The following CDYL variants were observed in gnomAD, a reference collection of about 807,000 sequenced individuals.
CDYL encodes chromodomain Y like.
A neutral mutation model predicts 47.3 loss-of-function variants in CDYL; 8 were observed. The observed-to-expected ratio is 0.17, with a 90% confidence interval of 0.10 to 0.31. The LOEUF (loss-of-function observed/expected upper bound fraction) is 0.31. CDYL is among the 10% of genes least tolerant of loss of function. The pLI is 1.00. For missense variants in CDYL, 471 were observed against 701.4 expected (o/e 0.67, Z 3.71); for synonymous variants, 266 against 265.0 (o/e 1.00, Z -0.04).
At position 4,822,071 on chromosome 6, in the gene CDYL, C is replaced by T. The variant is rs147550683; in HGVS notation, c.24+45264C>T. The stretch of plus-strand genomic sequence containing the variant: ...ACAACCTTGACCTCGTGGGCTCAAA[C>T]GATCCTCCCAACTCAGCTTCCTGAG... On this transcript the variant is annotated intron_variant, in intron 1 of 6. Coordinates refer to ENST00000397588, the MANE Select transcript of CDYL (RefSeq NM_004824.4). Among the ~76,000 whole-genome samples the T allele has an allele frequency of 1.4e-4, 22 of 152,188 alleles. No individual in the cohort carries two copies. The East Asian group carries it at 3.3e-3, about 23-fold the overall frequency.
chr6:4,939,416 A>G (rs922385946), intron 4 of CDYL, among the ~76,000 whole-genome samples: 5 of 152,192 alleles, frequency 3.3e-5, no homozygotes, highest in African/African-American at 1.2e-4. Flanking sequence ...TCTGGGTTGA[A>G]GGGGATTGCC....
At chr6:4,724,812 C>A (rs1176130008) in intron 2 of CDYL, 1 of 152,172 alleles carries the variant, frequency 6.6e-6, no homozygotes, top group African/African-American at 2.4e-5. Flanking sequence ...AAAGAATTAG[C>A]AGCAACAATA....
At chr6:4,748,656 G>GACCAC in intron 3 of CDYL, among the ~76,000 whole-genome samples, 1 of 146,158 alleles carries the variant, frequency 6.8e-6, no homozygotes, top group African/African-American at 2.5e-5. Context: ...TGATGGCAAA[G>GACCAC]ACACACACAC....
intron 5 of CDYL, 109 bp from the exon 6 acceptor site, chr6:4,952,157 C>T (rs906409202): frequency 5.1e-5 from 66 of 1,296,946 alleles, no homozygotes; most frequent in Non-Finnish European, 6.2e-5. Flanking sequence ...CATTTCCCTG[C>T]GGGGCTGGTA....
intron 2 of CDYL, chr6:4,724,566 G>C (rs899619222): frequency 2.6e-5 from 4 of 152,312 alleles, no homozygotes; most frequent in South Asian, 2.1e-4. Context: ...CAGCGTGTCC[G>C]GAGTTTGTTC....
intron 1 of CDYL, among the ~76,000 whole-genome samples, chr6:4,795,487 C>G (rs1340143321): frequency 6.6e-6 from 1 of 152,016 alleles, no homozygotes; most frequent in Non-Finnish European, 1.5e-5. Context: ...CCTAAAAAAT[C>G]ATCTGAGCCT....
intron 3 of CDYL, among the ~76,000 whole-genome samples, chr6:4,735,058 A>C (rs1460646065): frequency 3.3e-5 from 5 of 152,024 alleles, no homozygotes; most frequent in Non-Finnish European, 7.4e-5. Context: ...AGGCCGAGGC[A>C]GGCGGATCAG....
At chr6:4,864,123 T>C (rs1761253728) in intron 1 of CDYL, among the ~76,000 whole-genome samples, 1 of 152,188 alleles carries the variant, frequency 6.6e-6, no homozygotes, top group African/African-American at 2.4e-5. Context: ...AGAACGTAAC[T>C]GCCAACCTAG....
intron 3 of CDYL, among the ~76,000 whole-genome samples, chr6:4,770,193 A>G (rs1413369200): frequency 1.3e-5 from 2 of 152,050 alleles, no homozygotes; most frequent in African/African-American, 2.4e-5. Flanking sequence ...ATTGCCAGCT[A>G]CGTGAGAGCA....
chr6:4,937,218 G>C (rs1041818821), intron 3 of CDYL, among the ~76,000 whole-genome samples: 15 of 152,168 alleles, frequency 9.9e-5, no homozygotes, highest in Non-Finnish European at 2.2e-4. Flanking sequence ...AATGAGCCAG[G>C]CATGATGGCA....
intron 2 of CDYL, among the ~76,000 whole-genome samples, chr6:4,894,896 T>G (rs180882316): frequency 1.3e-5 from 2 of 150,262 alleles, no homozygotes; most frequent in Non-Finnish European, 3.0e-5. Flanking sequence ...TGTGTATATA[T>G]ACACACGTAC....
intron 2 of CDYL, among the ~76,000 whole-genome samples, chr6:4,726,572 A>G (rs13437470): frequency 3.3e-5 from 5 of 151,092 alleles, no homozygotes; most frequent in East Asian, 3.9e-4. Flanking sequence ...ATGCTGGCAC[A>G]CACCTGTGGT....
intron 4 of CDYL, among the ~76,000 whole-genome samples, chr6:4,939,156 T>C (rs1035103074): frequency 1.5e-4 from 23 of 152,262 alleles, no homozygotes; most frequent in African/African-American, 5.5e-4. Context: ...CCCAGATTTC[T>C]GGAGGGCTGA....
At chr6:4,844,865 A>G (rs983442467) in intron 1 of CDYL, among the ~76,000 whole-genome samples, 5 of 152,214 alleles carry the variant, frequency 3.3e-5, no homozygotes, top group African/African-American at 1.2e-4. Flanking sequence ...AGAACTGTCT[A>G]AACCTCTATT....
chr6:4,780,231 T>C (rs1758574283), intron 1 of CDYL, among the ~76,000 whole-genome samples: 1 of 151,696 alleles, frequency 6.6e-6, no homozygotes, highest in Non-Finnish European at 1.5e-5. Context: ...TTTCCTTTCT[T>C]TCTTTCTCTT....
chr6:4,815,021 T>A (rs1486857179), intron 1 of CDYL, among the ~76,000 whole-genome samples: 1 of 152,236 alleles, frequency 6.6e-6, no homozygotes, highest in Non-Finnish European at 1.5e-5. Context: ...TTTTCCTGGT[T>A]TGTGACCCTT....
Position 4,866,279 on chromosome 6 carries a change from A to G in CDYL, c.25-25434A>G, listed in dbSNP as rs1446554475. 2.0e-5 allele frequency among the ~76,000 whole-genome samples: 3 copies of G among 152,188 alleles called. No individual in the cohort carries two copies. The East Asian group carries it at 5.8e-4, about 29-fold the overall frequency. On this transcript the variant is annotated intron_variant, in intron 1 of 6. Coordinates refer to ENST00000397588, the MANE Select transcript of CDYL (RefSeq NM_004824.4). ...TTTCTTTGTTTTCTTTAAGAATGTT[A>G]AAGAGAAGAACAGAAAATAATTCCA...
At chr6:4,708,451 C>T (rs1582264219) in intron 1 of CDYL, among the ~76,000 whole-genome samples, 2 of 152,170 alleles carry the variant, frequency 1.3e-5, no homozygotes, top group South Asian at 4.1e-4. Flanking sequence ...TGAGCCACCA[C>T]ACCTGGCCAT....
At chr6:4,940,876 G>A (rs1414530260) in intron 4 of CDYL, among the ~76,000 whole-genome samples, 5 of 152,220 alleles carry the variant, frequency 3.3e-5, no homozygotes, top group South Asian at 2.1e-4. Context: ...TCCTTCAAAC[G>A]AAGGTGCCAT....
Sources: allele counts gnomAD v4.1 joint callset (sites outside exome capture counted in the v4.1 genomes callset), GRCh38; gene constraint gnomAD v4.1.1; transcripts MANE v1.5; gene names NCBI Gene and HGNC (gene_info 2026-07-23, HGNC 2026-07-21).